The following TAFA5 variants were observed in gnomAD, a reference collection of about 807,000 sequenced individuals.
TAFA5 encodes chemokine-like protein TAFA-5.
In TAFA5, 6 loss-of-function variants were observed where a neutral mutation model predicts 15.3. The ratio of observed to expected loss-of-function variants is 0.39; its 90% CI spans 0.21 to 0.77. The LOEUF is 0.77. Among genes scored for constraint, TAFA5 ranks in the 30% least tolerant of loss-of-function variants. The pLI is 0.41. For synonymous variants in TAFA5, 103 were observed against 80.7 expected (o/e 1.28, Z -1.48); for missense variants, 161 against 193.1 (o/e 0.83, Z 0.98).
chr22:48,673,609 G>C (rs1927871096), intron 2 of TAFA5, among the ~76,000 whole-genome samples: 1 of 152,354 alleles, frequency 6.6e-6, no homozygotes. Flanking sequence ...GGGTGTTCCA[G>C]GGTGGACTGC....
chr22:48,551,609 C>T (rs529030199), intron 1 of TAFA5, among the ~76,000 whole-genome samples: 8 of 152,196 alleles, frequency 5.3e-5, no homozygotes, highest in Admixed American at 1.3e-4. Flanking sequence ...TGGGGTCTGT[C>T]GCAAGTGTTT....
chr22:48,516,864 G>C (rs1052956407), intron 1 of TAFA5, among the ~76,000 whole-genome samples: 1 of 152,216 alleles, frequency 6.6e-6, no homozygotes, highest in African/African-American at 2.4e-5. Context: ...GGGAGGGGCT[G>C]TGGGGATGTG....
At chr22:48,563,796 C>T (rs574159839) in intron 1 of TAFA5, among the ~76,000 whole-genome samples, 11 of 152,348 alleles carry the variant, frequency 7.2e-5, no homozygotes, top group Non-Finnish European at 1.3e-4. Flanking sequence ...CAAGGACCCA[C>T]GCCAGGTGGC....
At chr22:48,699,460 G>C (rs567603380) in intron 2 of TAFA5, among the ~76,000 whole-genome samples, 1 of 152,206 alleles carries the variant, frequency 6.6e-6, no homozygotes, top group Non-Finnish European at 1.5e-5. Context: ...CTCGGTGACA[G>C]GGCACTGGCA....
At chr22:48,650,691 T>G (rs2147205521) in intron 2 of TAFA5, among the ~76,000 whole-genome samples, 1 of 152,302 alleles carries the variant, frequency 6.6e-6, no homozygotes, top group South Asian at 2.1e-4. Flanking sequence ...TGTGAGCCTG[T>G]GCACCTGCAT....
At chr22:48,733,921 G>A (rs917302293) in intron 3 of TAFA5, among the ~76,000 whole-genome samples, 1 of 152,168 alleles carries the variant, frequency 6.6e-6, no homozygotes, top group Non-Finnish European at 1.5e-5. Flanking sequence ...ACTAATAAAA[G>A]TTCTTCAGCC....
At chr22:48,627,148 G>C (rs1312198387) in intron 1 of TAFA5, among the ~76,000 whole-genome samples, 3 of 152,214 alleles carry the variant, frequency 2.0e-5, no homozygotes, top group Non-Finnish European at 4.4e-5. Flanking sequence ...TTGGCACCAC[G>C]TATGTGTGTC....
At chr22:48,718,255 C>T (rs1929463060) in intron 3 of TAFA5, among the ~76,000 whole-genome samples, 1 of 152,194 alleles carries the variant, frequency 6.6e-6, no homozygotes, top group Non-Finnish European at 1.5e-5. Flanking sequence ...GCACAGCAGA[C>T]ACTGGGCCCC....
At chr22:48,690,908 G>A (rs912915432) in intron 2 of TAFA5, among the ~76,000 whole-genome samples, 1 of 152,188 alleles carries the variant, frequency 6.6e-6, no homozygotes, top group Non-Finnish European at 1.5e-5. Flanking sequence ...GTCGTGGAGG[G>A]AGGACGCCTC....
chr22:48,657,391 C>T (rs1264823819), intron 2 of TAFA5, among the ~76,000 whole-genome samples: 2 of 152,150 alleles, frequency 1.3e-5, no homozygotes, highest in Non-Finnish European at 2.9e-5. Context: ...GTTATCAAAA[C>T]TTCCCAACAA....
At chr22:48,716,938 G>A (rs1929419010) in intron 3 of TAFA5, among the ~76,000 whole-genome samples, 1 of 152,140 alleles carries the variant, frequency 6.6e-6, no homozygotes, top group Admixed American at 6.5e-5. Context: ...ACAATAATCA[G>A]AAAATTGATT....
At chr22:48,582,821 C>CCA (rs767103516) in intron 1 of TAFA5, among the ~76,000 whole-genome samples, 2 of 88,000 alleles carry the variant, frequency 2.3e-5, no homozygotes, top group African/African-American at 4.3e-5. Context: ...ACACCACACA[C>CCA]CACACACAAT....
At chr22:48,679,267 C>A (rs1452411227) in intron 2 of TAFA5, among the ~76,000 whole-genome samples, 1 of 54,908 alleles carries the variant, frequency 1.8e-5, no homozygotes, top group Non-Finnish European at 3.3e-5. Context: ...CCCGGCTCCC[C>A]ATCCATCCCT....
At chr22:48,685,359 G>T (rs1195966810) in intron 2 of TAFA5, among the ~76,000 whole-genome samples, 3 of 152,206 alleles carry the variant, frequency 2.0e-5, no homozygotes, top group Admixed American at 1.3e-4. Flanking sequence ...CTTGGATCCA[G>T]GAAAGACCTA....
At chr22:48,738,441 C>G (rs572888714) in intron 3 of TAFA5, among the ~76,000 whole-genome samples, 2 of 152,178 alleles carry the variant, frequency 1.3e-5, no homozygotes, top group East Asian at 3.9e-4. Flanking sequence ...GGCCTCTGGG[C>G]GCACAGCAAG....
intron 2 of TAFA5, among the ~76,000 whole-genome samples, chr22:48,669,728 G>T (rs957529105): frequency 1.7e-4 from 26 of 152,238 alleles, no homozygotes; most frequent in African/African-American, 6.0e-4. Context: ...AGGAGCCCCT[G>T]TGTCAGGTAA....
chr22:48,722,851 C>T (rs1929610389), intron 3 of TAFA5, among the ~76,000 whole-genome samples: 1 of 152,188 alleles, frequency 6.6e-6, no homozygotes, highest in African/African-American at 2.4e-5. Flanking sequence ...GTCTAGGGTC[C>T]ATCCTAACAG....
intron 1 of TAFA5, among the ~76,000 whole-genome samples, chr22:48,640,887 G>A (rs5771671): frequency 7.0e-6 from 1 of 142,608 alleles, no homozygotes; most frequent in African/African-American, 2.6e-5. Flanking sequence ...TGTTGGGGCA[G>A]TGAGAACAGT....
At chr22:48,622,264 C>T (rs543917080) in intron 1 of TAFA5, among the ~76,000 whole-genome samples, 9 of 152,226 alleles carry the variant, frequency 5.9e-5, no homozygotes, top group South Asian at 4.2e-4. Flanking sequence ...TTCAGTGACC[C>T]GGAGGAGAGG....
Sources: gnomAD v4.1 joint callset for allele counts (sites outside exome capture counted in the v4.1 genomes callset) on GRCh38, gnomAD v4.1.1 for gene constraint, MANE v1.5 for transcripts, NCBI Gene and HGNC (gene_info 2026-07-23, HGNC 2026-07-21) for gene names.